ZDHHC14: variants seen among roughly 807,000 people sequenced by gnomAD.
ZDHHC14 encodes the protein palmitoyltransferase ZDHHC14.
A neutral mutation model predicts 47.7 loss-of-function variants in ZDHHC14; 16 were observed. That is an observed-to-expected ratio of 0.34 (90% CI 0.23 to 0.51). The LOEUF is 0.51. ZDHHC14 is among the 20% of genes least tolerant of loss of function. ZDHHC14 has a pLI of 0.97. For synonymous variants in ZDHHC14, 293 were observed against 278.9 expected (o/e 1.05, Z -0.50); for missense variants, 515 against 662.5 (o/e 0.78, Z 2.44).
At chr6:157,474,144 A>G (rs541538201) in intron 1 of ZDHHC14, among the ~76,000 whole-genome samples, 1 of 152,208 alleles carries the variant, frequency 6.6e-6, no homozygotes, top group African/African-American at 2.4e-5. Flanking sequence ...ACCCACCACC[A>G]TGCCCAGCTA....
chr6:157,610,481 C>A (rs1179710776), intron 3 of ZDHHC14, among the ~76,000 whole-genome samples: 3 of 152,182 alleles, frequency 2.0e-5, no homozygotes, highest in Non-Finnish European at 4.4e-5. Context: ...AAACTAACTA[C>A]CCTTCTGCCA....
rs1279524977 is a variant in ZDHHC14, at chr6:157,676,617, T to TA, written c.*3495_*3496insA. On this transcript the variant is annotated 3_prime_UTR_variant, in exon 9 of 9. Transcript: ENST00000359775. The stretch of plus-strand genomic sequence containing the variant: ...GACTCAACAGCAAGAAAAATGAACT[T>TA]GCCAAAATTGGCAGTAGGTGTCCTT... The TA allele has an allele frequency of 1.3e-5, 2 of 152,268 alleles. No homozygotes were observed. Among genetic ancestry groups the TA allele is most frequent in the Non-Finnish European group, 2.9e-5 (2 of 68,078 alleles). 9.4% of individuals were successfully genotyped at this position (152,268 alleles called of 1,614,324 possible). A position where few individuals can be genotyped will look rare whatever the true frequency, so the allele number is the denominator to read the frequency against.
intron 1 of ZDHHC14, among the ~76,000 whole-genome samples, chr6:157,384,126 T>C (rs1233825133): frequency 1.3e-5 from 2 of 152,236 alleles, no homozygotes; most frequent in African/African-American, 4.8e-5. Flanking sequence ...ATTGGCACTT[T>C]TGCTCTTTTT....
At chr6:157,548,430 G>A (rs113836756) in intron 2 of ZDHHC14, among the ~76,000 whole-genome samples, 2,105 of 115,372 alleles carry the variant, frequency 0.018, 56 homozygotes, top group African/African-American at 0.055. Context: ...TTTTGTTGTT[G>A]TTGTTGTTGT....
intron 1 of ZDHHC14, among the ~76,000 whole-genome samples, chr6:157,468,770 G>A (rs878931365): frequency 6.6e-6 from 1 of 152,180 alleles, no homozygotes; most frequent in African/African-American, 2.4e-5. Context: ...AATTTATTGA[G>A]GACCTACTGT....
intron 3 of ZDHHC14, among the ~76,000 whole-genome samples, chr6:157,613,667 C>G (rs138456576): frequency 4.6e-5 from 7 of 152,134 alleles, no homozygotes; most frequent in Non-Finnish European, 7.4e-5. Context: ...TTTCAAGCAG[C>G]CTTGTTGGAG....
chr6:157,452,193 G>A (rs764743050), intron 1 of ZDHHC14, among the ~76,000 whole-genome samples: 7 of 151,760 alleles, frequency 4.6e-5, no homozygotes, highest in Non-Finnish European at 1.0e-4. Flanking sequence ...AAGTTTAACC[G>A]GTATTTCCTA....
chr6:157,422,082 G>A (rs1351294674), intron 1 of ZDHHC14, among the ~76,000 whole-genome samples: 1 of 152,100 alleles, frequency 6.6e-6, no homozygotes, highest in East Asian at 1.9e-4. Flanking sequence ...CACGTACCTG[G>A]GTCTCAGTTG....
chr6:157,565,238 C>A (rs567910623), intron 2 of ZDHHC14, among the ~76,000 whole-genome samples: 2 of 151,894 alleles, frequency 1.3e-5, no homozygotes, highest in Non-Finnish European at 2.9e-5. Context: ...AGAGTGAGAC[C>A]TTATCTCCAA....
intron 1 of ZDHHC14, among the ~76,000 whole-genome samples, chr6:157,464,713 G>A (rs754233291): frequency 1.3e-5 from 2 of 152,156 alleles, no homozygotes; most frequent in Non-Finnish European, 2.9e-5. Flanking sequence ...TTAGTGACCC[G>A]AAGCAAATTT....
intron 1 of ZDHHC14, among the ~76,000 whole-genome samples, chr6:157,512,471 G>A (rs939048172): frequency 3.9e-5 from 6 of 152,318 alleles, no homozygotes; most frequent in South Asian, 2.1e-4. Flanking sequence ...AGCATAGTCC[G>A]TGGCTCACAG....
chr6:157,585,921 G>A (rs1783680178), intron 2 of ZDHHC14, among the ~76,000 whole-genome samples: 1 of 152,232 alleles, frequency 6.6e-6, no homozygotes, highest in African/African-American at 2.4e-5. Context: ...CAGCGTTGCA[G>A]CACTTGAGGG....
At chr6:157,453,565 A>G (rs1225286176) in intron 1 of ZDHHC14, among the ~76,000 whole-genome samples, 1 of 152,210 alleles carries the variant, frequency 6.6e-6, no homozygotes, top group South Asian at 2.1e-4. Flanking sequence ...TTCACTAGCT[A>G]TCCTTGACTT....
At chr6:157,396,622 C>A (rs1777528513) in intron 1 of ZDHHC14, among the ~76,000 whole-genome samples, 1 of 152,206 alleles carries the variant, frequency 6.6e-6, no homozygotes, top group Admixed American at 6.5e-5. Flanking sequence ...CTAACACACA[C>A]AGTCAAATGG....
At chr6:157,591,771 A>T (rs1281412428) in intron 2 of ZDHHC14, among the ~76,000 whole-genome samples, 4 of 152,140 alleles carry the variant, frequency 2.6e-5, no homozygotes, top group Non-Finnish European at 5.9e-5. Context: ...GATTCCTACC[A>T]CTTTGGAAAT....
intron 3 of ZDHHC14, among the ~76,000 whole-genome samples, chr6:157,627,412 A>G (rs535929091): frequency 1.3e-5 from 2 of 152,354 alleles, no homozygotes; most frequent in South Asian, 2.1e-4. Context: ...GCAGTCTTGT[A>G]TGAGCGAGTA....
intron 2 of ZDHHC14, among the ~76,000 whole-genome samples, chr6:157,561,412 G>A (rs543844734): frequency 5.3e-5 from 8 of 151,006 alleles, no homozygotes; most frequent in Non-Finnish European, 7.4e-5. Context: ...TTTTCTTACC[G>A]TGTGTATTAT....
intron 1 of ZDHHC14, among the ~76,000 whole-genome samples, chr6:157,489,475 T>C (rs527788554): frequency 6.6e-6 from 1 of 152,320 alleles, no homozygotes; most frequent in Admixed American, 6.5e-5. Context: ...TTTTATTGAA[T>C]GTTTAAAAAA....
intron 1 of ZDHHC14, among the ~76,000 whole-genome samples, chr6:157,531,368 G>C (rs1434559936): frequency 6.6e-6 from 1 of 152,008 alleles, no homozygotes; most frequent in Non-Finnish European, 1.5e-5. Context: ...TCGGTGCACC[G>C]TCCGAAGGAG....
Sources: gnomAD v4.1 joint callset for allele counts (sites outside exome capture counted in the v4.1 genomes callset) on GRCh38, gnomAD v4.1.1 for gene constraint, MANE v1.5 for transcripts, NCBI Gene and HGNC (gene_info 2026-07-23, HGNC 2026-07-21) for gene names.